The following PDE9A variants were observed in gnomAD, a reference collection of about 807,000 sequenced individuals.
PDE9A encodes the protein high affinity cGMP-specific 3',5'-cyclic phosphodiesterase 9A.
PDE9A carries 60 observed loss-of-function variants against 87.4 expected under a neutral mutation model. The observed-to-expected ratio is 0.69, with a 90% CI of 0.56 to 0.85. PDE9A has a LOEUF of 0.85. Ranked by LOEUF, PDE9A falls within the 40% of genes least tolerant of loss-of-function variation. The probability of loss-of-function intolerance (pLI) is 0.00; values close to 1 mark genes in which losing one functional copy is unlikely to be tolerated. For synonymous variants in PDE9A, 272 were observed against 279.4 expected, an observed-to-expected ratio of 0.97 and a Z score of 0.27; for missense variants, 665 against 779.0, an observed-to-expected ratio of 0.85 and a Z score of 1.74.
chr21:42,707,352 C>A (rs910255976), intron 4 of PDE9A, among the ~76,000 whole-genome samples: 6 of 152,108 alleles, frequency 3.9e-5, no homozygotes, highest in African/African-American at 1.4e-4. Context: ...CCCCTGAGTC[C>A]CCCTACCTGA....
In PDE9A at chr21:42,699,002, C is replaced by A; in HGVS notation, c.253C>A (p.Gln85Lys). Residue 85 changes from glutamine (Q) to lysine (K), a missense_variant, in exon 4 of 20, where the codon CAA becomes AAA. By Grantham distance (53) the Gln-to-Lys change is moderately conservative. Coordinates refer to ENST00000291539, the MANE Select transcript of PDE9A (RefSeq NM_002606.3). ...CAAAGTGAGACCTGTGGCCATCAAG[C>A]AACTCTCCGGTAAGGCCCTGCTGTC... ...PYKVRPVAIK[Q>K]LSAGVEDKRT... is the part of the protein sequence containing the mutation. 2 of 1,611,130 alleles carry A rather than the reference C, an allele frequency of 1.2e-6. No individual in the cohort carries two copies. Among genetic ancestry groups the A allele is most frequent in the Non-Finnish European group, 1.7e-6 (2 of 1,177,276 alleles).
At chr21:42,687,176 G>A (rs1017588523) in intron 2 of PDE9A, among the ~76,000 whole-genome samples, 3 of 152,194 alleles carry the variant, frequency 2.0e-5, no homozygotes, top group Non-Finnish European at 2.9e-5. Context: ...GGACGGAGGT[G>A]GAGAAGGGCA....
In PDE9A at chr21:42,760,429, C is replaced by G. The variant is rs754853893; in HGVS notation, c.999C>G (p.Leu333=). ...ACAGCATGGTCTGGCTCTGCAGTCT[C>G]CAGGTGGGTCCTGCCCGCTGCACAC... is the stretch of plus-strand genomic sequence containing the variant. ...MMYSMVWLCS[L]QEKFSQTDIL... is the part of the protein sequence containing the mutation. The change falls in exon 12 of 20, where the codon CTC becomes CTG. Residue 333 remains leucine (L), a synonymous_variant. Coordinates refer to ENST00000291539, the MANE Select transcript of PDE9A (RefSeq NM_002606.3). This position sits in a 1 kb window ranked among gnomAD's most constrained non-coding sequence, Gnocchi z 5.2. The G allele has an allele frequency of 1.0e-5, 16 of 1,577,174 alleles. No individual in the cohort carries two copies. Among genetic ancestry groups the G allele is most frequent in the East Asian group, 2.2e-5 (1 of 44,674 alleles).
chr21:42,666,775 A>G (rs1318368646), intron 1 of PDE9A, among the ~76,000 whole-genome samples: 1 of 152,232 alleles, frequency 6.6e-6, no homozygotes, highest in Non-Finnish European at 1.5e-5. Flanking sequence ...TCAGAACTAC[A>G]GCATGAATTT....
chr21:42,683,684 C>T (rs1482354188), intron 1 of PDE9A, among the ~76,000 whole-genome samples: 1 of 152,220 alleles, frequency 6.6e-6, no homozygotes, highest in African/African-American at 2.4e-5. Context: ...ACGAGCCTGC[C>T]CAGTCCCAAG....
intron 1 of PDE9A, among the ~76,000 whole-genome samples, chr21:42,661,401 C>T (rs1347919896): frequency 2.6e-5 from 4 of 151,440 alleles, no homozygotes; most frequent in African/African-American, 9.7e-5. Flanking sequence ...TCCCCCTCCC[C>T]CAGCCCCTGA....
intron 1 of PDE9A, among the ~76,000 whole-genome samples, chr21:42,655,562 G>A (rs2056996687): frequency 6.6e-6 from 1 of 152,204 alleles, no homozygotes; most frequent in Non-Finnish European, 1.5e-5. Context: ...TTGCGGGGGA[G>A]AGGCGGATTG....
chr21:42,714,356 G>T (rs1383774328), intron 4 of PDE9A, among the ~76,000 whole-genome samples: 1 of 152,190 alleles, frequency 6.6e-6, no homozygotes, highest in Non-Finnish European at 1.5e-5. Flanking sequence ...CGTATCACAT[G>T]CAGGTTTGTT....
intron 7 of PDE9A, among the ~76,000 whole-genome samples, chr21:42,742,302 G>C (rs971771678): frequency 6.6e-6 from 1 of 152,046 alleles, no homozygotes; most frequent in African/African-American, 2.4e-5. Flanking sequence ...CCGGCTGTGC[G>C]GGAGACCAGA....
At chr21:42,686,581 G>A (rs1379835676) in intron 2 of PDE9A, among the ~76,000 whole-genome samples, 2 of 152,202 alleles carry the variant, frequency 1.3e-5, no homozygotes, top group African/African-American at 2.4e-5. Flanking sequence ...TTGAGAGGCC[G>A]AGGTGGGCAG....
Position 42,705,493 on chromosome 21 carries a change from T to C in PDE9A, c.262+6482T>C, listed in dbSNP as rs1487143145. ...CTGTGATGAGGATTGGGTGCTGTGA[T>C]CACAGCACGCGGGAAAAGGACAGGG... On this transcript the variant is annotated intron_variant, in intron 4 of 19. Transcript: ENST00000291539. The surrounding 1 kb of genome is among the most constrained non-coding windows in gnomAD (Gnocchi z 4.3). Among the ~76,000 whole-genome samples the C allele has an allele frequency of 6.6e-6, 1 of 152,090 alleles. No homozygotes were observed. Among genetic ancestry groups the C allele is most frequent in the Non-Finnish European group, 1.5e-5 (1 of 68,012 alleles).
At chr21:42,748,840 G>A (rs866118770) in intron 8 of PDE9A, among the ~76,000 whole-genome samples, 5 of 152,108 alleles carry the variant, frequency 3.3e-5, no homozygotes, top group Non-Finnish European at 7.4e-5. Context: ...TAAACCTACC[G>A]AATGTGCTCT....
intron 1 of PDE9A, among the ~76,000 whole-genome samples, chr21:42,668,238 C>T (rs1456008925): frequency 1.3e-5 from 2 of 152,092 alleles, no homozygotes; most frequent in Admixed American, 1.3e-4. Flanking sequence ...TCCTACCCCA[C>T]CCTCCCCATT....
chr21:42,725,401 G>A (rs2050932098), intron 4 of PDE9A, among the ~76,000 whole-genome samples: 1 of 152,002 alleles, frequency 6.6e-6, no homozygotes, highest in Non-Finnish European at 1.5e-5. Context: ...CATCATGCCT[G>A]GCTAATTTTG....
chr21:42,656,063 T>C (rs2057044389), intron 1 of PDE9A, among the ~76,000 whole-genome samples: 2 of 152,226 alleles, frequency 1.3e-5, no homozygotes, highest in Non-Finnish European at 2.9e-5. Context: ...TCAGTGCCGC[T>C]GCCATCAGCC....
At chr21:42,740,759 A>AAACAG (rs781688467) in intron 7 of PDE9A, among the ~76,000 whole-genome samples, 260 of 125,858 alleles carry the variant, frequency 2.1e-3, no homozygotes, top group Non-Finnish European at 2.8e-3. Context: ...TAAACAGGAT[A>AAACAG]GATAGATAGA....
intron 1 of PDE9A, among the ~76,000 whole-genome samples, chr21:42,665,325 T>C (rs1406813359): frequency 6.6e-6 from 1 of 152,196 alleles, no homozygotes; most frequent in East Asian, 1.9e-4. Context: ...TTGTGGTCTT[T>C]GTTATAGCAG....
chr21:42,759,144 G>C lies in PDE9A; in HGVS notation c.897+59G>C. 8.5e-7 allele frequency: 1 copy of C among 1,173,692 alleles called. No individual in the cohort carries two copies. 72.7% of individuals were successfully genotyped at this position (1,173,692 alleles called of 1,614,324 possible). ...GCACGTGGTTTCATCCAGTTCCACA[G>C]GAATGGAGGGAATGGATCACCAGGG... On this transcript the variant is annotated intron_variant, in intron 11 of 19. Coordinates refer to ENST00000291539, the MANE Select transcript of PDE9A (RefSeq NM_002606.3). The surrounding 1 kb of genome is among the most constrained non-coding windows in gnomAD (Gnocchi z 7.2).
chr21:42,769,787 GGCACACCT>G (rs951681179), intron 17 of PDE9A, among the ~76,000 whole-genome samples: 14 of 125,676 alleles, frequency 1.1e-4, no homozygotes, highest in East Asian at 4.5e-4. Flanking sequence ...GGTACACACA[GGCACACCT>G]GCACACCTGC....
Sources: allele counts gnomAD v4.1 joint callset (sites outside exome capture counted in the v4.1 genomes callset), GRCh38; gene constraint gnomAD v4.1.1; non-coding constraint Gnocchi (gnomAD v3.1); transcripts MANE v1.5; gene names NCBI Gene and HGNC (gene_info 2026-07-23, HGNC 2026-07-21).